LSAMP: variants seen among roughly 807,000 people sequenced by gnomAD.
The protein encoded by LSAMP is limbic system associated membrane protein, also known as limbic system-associated membrane protein.
LSAMP carries 7 observed loss-of-function variants against 38.6 expected under a neutral mutation model. That is an observed-to-expected ratio of 0.18 (90% CI 0.10 to 0.34). The LOEUF (loss-of-function observed/expected upper bound fraction) is 0.34, where lower values mean the gene tolerates loss of function less well. Ranked by LOEUF, LSAMP falls within the 10% of genes least tolerant of loss-of-function variation. LSAMP has a pLI of 1.00. For missense variants in LSAMP, 313 were observed against 420.0 expected (o/e 0.75, Z 2.23); for synonymous variants, 154 against 166.8 (o/e 0.92, Z 0.59).
intron 3 of LSAMP, among the ~76,000 whole-genome samples, chr3:115,861,130 T>TTTCCTTCCTTCC (rs369018115): frequency 6.2e-5 from 4 of 64,596 alleles, no homozygotes; most frequent in Non-Finnish European, 9.4e-5. Flanking sequence ...TCCTTCTTTC[T>TTTCCTTCCTTCC]TTCCTTCCTT....
intron 1 of LSAMP, among the ~76,000 whole-genome samples, chr3:116,378,255 G>A (rs1298890591): frequency 6.6e-6 from 1 of 151,992 alleles, no homozygotes; most frequent in Non-Finnish European, 1.5e-5. Context: ...GATTGTTCCT[G>A]GAAGCTGTTG....
At chr3:116,182,115 T>C (rs1022764038) in intron 1 of LSAMP, among the ~76,000 whole-genome samples, 12 of 151,940 alleles carry the variant, frequency 7.9e-5, no homozygotes, top group Non-Finnish European at 1.0e-4. Context: ...TGAAAAGTTC[T>C]TTTAAATTAA....
At chr3:116,368,689 A>T (rs2048389642) in intron 1 of LSAMP, among the ~76,000 whole-genome samples, 1 of 152,208 alleles carries the variant, frequency 6.6e-6, no homozygotes, top group African/African-American at 2.4e-5. Flanking sequence ...AATATCTACA[A>T]TCATGCTGGT....
intron 1 of LSAMP, among the ~76,000 whole-genome samples, chr3:116,286,444 T>TTA (rs2047195383): frequency 6.6e-6 from 1 of 152,160 alleles, no homozygotes; most frequent in Admixed American, 6.5e-5. Flanking sequence ...TTGTCTTTAA[T>TTA]AACATTCCAT....
At chr3:116,139,575 G>C (rs1709325978) in intron 1 of LSAMP, among the ~76,000 whole-genome samples, 1 of 152,022 alleles carries the variant, frequency 6.6e-6, no homozygotes, top group Non-Finnish European at 1.5e-5. Flanking sequence ...TTGGTCAAAT[G>C]AGCTAGTTAA....
chr3:116,098,614 C>T (rs573414999), intron 1 of LSAMP, among the ~76,000 whole-genome samples: 4 of 152,290 alleles, frequency 2.6e-5, no homozygotes, highest in African/African-American at 9.6e-5. Flanking sequence ...CACACACTTT[C>T]CCCCACCTCA....
chr3:116,426,837 C>T (rs2049203000), intron 1 of LSAMP, among the ~76,000 whole-genome samples: 1 of 151,312 alleles, frequency 6.6e-6, no homozygotes, highest in African/African-American at 2.4e-5. Flanking sequence ...AATTATAAGC[C>T]GAAGTAGACT....
rs1170325465 is a variant in LSAMP, at chr3:115,930,002, G to GTTTTTTTTTTTTTTTTTTTTTTTTTTTTT, written c.515-77386_515-77385insAAAAAAAAAAAAAAAAAAAAAAAAAAAAA. ...ATCCAGATCTATAAATTTAGCAGAA[G>GTTTTTTTTTTTTTTTTTTTTTTTTTTTTT]TTTTTTTTTTTTTTTTTTTTTTTTG... On this transcript the variant is annotated intron_variant, in intron 3 of 6. Transcript: ENST00000490035. 3.7e-5 allele frequency among the ~76,000 whole-genome samples: 3 copies of GTTTTTTTTTTTTTTTTTTTTTTTTTTTTT among 80,294 alleles called. 1 individual carries two copies. Among genetic ancestry groups the GTTTTTTTTTTTTTTTTTTTTTTTTTTTTT allele is most frequent in the African/African-American group, 4.8e-5 (1 of 21,038 alleles). The allele number at this position is 80,294 out of a possible 152,430, so 52.7% of individuals were successfully genotyped here.
chr3:115,868,468 G>A (rs1935923390), intron 3 of LSAMP, among the ~76,000 whole-genome samples: 1 of 152,258 alleles, frequency 6.6e-6, no homozygotes, highest in South Asian at 2.1e-4. Flanking sequence ...GTATTTGGAA[G>A]AAAACAGAGG....
chr3:115,985,247 C>T (rs888213178), intron 3 of LSAMP, among the ~76,000 whole-genome samples: 2 of 152,084 alleles, frequency 1.3e-5, no homozygotes, highest in African/African-American at 2.4e-5. Context: ...AGTACCAAAG[C>T]GTTGCTGGAA....
chr3:116,124,964 G>A (rs72959783), intron 1 of LSAMP, among the ~76,000 whole-genome samples: 10,464 of 152,138 alleles, frequency 0.069, 1,191 homozygotes, highest in African/African-American at 0.24. Flanking sequence ...AACAGTGTTT[G>A]GAAGAATGTC....
intron 1 of LSAMP, 90 bp downstream of exon 1, chr3:116,444,785 CAG>C: frequency 3.8e-6 from 5 of 1,328,256 alleles, no homozygotes; most frequent in South Asian, 1.3e-5. Context: ...TCAAGGAGAT[CAG>C]ACACACACAC....
At chr3:115,961,734 A>T (rs1938631556) in intron 3 of LSAMP, among the ~76,000 whole-genome samples, 1 of 152,218 alleles carries the variant, frequency 6.6e-6, no homozygotes. Flanking sequence ...TAAAGACCAC[A>T]GTAATTCTGG....
intron 3 of LSAMP, among the ~76,000 whole-genome samples, chr3:115,861,135 T>TTCCC (rs1935675223): frequency 1.8e-4 from 1 of 5,450 alleles, no homozygotes; most frequent in Non-Finnish European, 2.9e-4. Flanking sequence ...CTTTCTTTCC[T>TTCCC]TCCTTCCTTC....
intron 1 of LSAMP, among the ~76,000 whole-genome samples, chr3:116,353,621 G>T (rs1035366120): frequency 2.0e-5 from 3 of 151,974 alleles, no homozygotes; most frequent in Non-Finnish European, 4.4e-5. Flanking sequence ...AATTAGGATA[G>T]TACAAACCTC....
At chr3:116,412,934 C>A (rs768345084) in intron 1 of LSAMP, among the ~76,000 whole-genome samples, 1 of 152,018 alleles carries the variant, frequency 6.6e-6, no homozygotes, top group Admixed American at 6.6e-5. Flanking sequence ...TAAATACTCA[C>A]TAAATCACTG....
chr3:116,416,921 G>C (rs1263562898), intron 1 of LSAMP, among the ~76,000 whole-genome samples: 1 of 152,084 alleles, frequency 6.6e-6, no homozygotes, highest in Non-Finnish European at 1.5e-5. Flanking sequence ...TAAGTGAAGA[G>C]GCAGAAAGGA....
intron 1 of LSAMP, among the ~76,000 whole-genome samples, chr3:116,294,613 T>G (rs971115224): frequency 2.6e-5 from 4 of 152,190 alleles, no homozygotes; most frequent in African/African-American, 9.7e-5. Flanking sequence ...TGTTTCCTAT[T>G]GTGCCTCAAA....
At chr3:116,161,446 T>G (rs1709884312) in intron 1 of LSAMP, among the ~76,000 whole-genome samples, 1 of 152,190 alleles carries the variant, frequency 6.6e-6, no homozygotes, top group South Asian at 2.1e-4. Context: ...TATTTGTACT[T>G]GAAATGACTG....
Sources: gnomAD v4.1 joint callset for allele counts (sites outside exome capture counted in the v4.1 genomes callset) on GRCh38, gnomAD v4.1.1 for gene constraint, MANE v1.5 for transcripts, NCBI Gene and HGNC (gene_info 2026-07-23, HGNC 2026-07-21) for gene names.